ZNF536: variants seen among roughly 807,000 people sequenced by gnomAD.
The protein encoded by ZNF536 is zinc finger protein 536.
ZNF536 carries 13 observed loss-of-function variants against 84.5 expected under a neutral mutation model. The observed-to-expected ratio is 0.15, with a 90% CI of 0.10 to 0.24. The LOEUF (loss-of-function observed/expected upper bound fraction) is 0.24. Ranked by LOEUF, ZNF536 falls within the 10% of genes least tolerant of loss-of-function variation. The pLI, the probability that ZNF536 is intolerant of heterozygous loss-of-function variation, is 1.00. For missense variants in ZNF536, 1,536 were observed against 1,747.5 expected (o/e 0.88, Z 2.16); for synonymous variants, 811 against 742.5 (o/e 1.09, Z -1.50).
chr19:30,619,530 G>A (rs1285405404), intron 1 of ZNF536, among the ~76,000 whole-genome samples: 1 of 152,160 alleles, frequency 6.6e-6, no homozygotes, highest in Non-Finnish European at 1.5e-5. Flanking sequence ...AAGGGAGAGA[G>A]CAATGAGGGA....
chr19:30,369,213 G>T (rs1008684732), upstream of ZNF536, among the ~76,000 whole-genome samples: 1 of 152,154 alleles, frequency 6.6e-6, no homozygotes, highest in African/African-American at 2.4e-5. Context: ...AGTTTTATCA[G>T]TTTCAGCTTC....
intron 1 of ZNF536, among the ~76,000 whole-genome samples, chr19:30,442,809 G>C (rs1369926074): frequency 6.6e-6 from 1 of 152,168 alleles, no homozygotes; most frequent in Non-Finnish European, 1.5e-5. Flanking sequence ...CCTCGTTAAT[G>C]CTTCCTTGCA....
intron 2 of ZNF536, among the ~76,000 whole-genome samples, chr19:30,459,933 A>T (rs781681837): frequency 6.6e-6 from 1 of 152,136 alleles, no homozygotes; most frequent in African/African-American, 2.4e-5. Flanking sequence ...TTTAACTACA[A>T]TTATAACCAC....
At chr19:30,691,453 A>C (rs2051405849) in intron 1 of ZNF536, among the ~76,000 whole-genome samples, 1 of 151,662 alleles carries the variant, frequency 6.6e-6, no homozygotes, top group African/African-American at 2.4e-5. Flanking sequence ...AGGGGGTGGG[A>C]ATACCAAAAG....
chr19:30,442,533 C>G (rs140055837), intron 1 of ZNF536, among the ~76,000 whole-genome samples: 1,734 of 152,260 alleles, frequency 0.011, 12 homozygotes, highest in Non-Finnish European at 0.016. Context: ...TAAAAGACCT[C>G]TTTAAACCCA....
At chr19:30,515,357 G>A (rs55771789) in intron 2 of ZNF536, among the ~76,000 whole-genome samples, 8,726 of 152,288 alleles carry the variant, frequency 0.057, 468 homozygotes, top group East Asian at 0.23. Context: ...GAATGTGCTC[G>A]ATTAATGTTA....
intron 1 of ZNF536, among the ~76,000 whole-genome samples, chr19:30,416,764 C>T (rs1344278649): frequency 6.6e-6 from 1 of 152,174 alleles, no homozygotes; most frequent in African/African-American, 2.4e-5. Context: ...CCTGTCCTCA[C>T]TCTAGAACAT....
intron 1 of ZNF536, among the ~76,000 whole-genome samples, chr19:30,271,375 C>G (rs2025845141): frequency 8.6e-6 from 1 of 116,506 alleles, no homozygotes. Context: ...ACTATTTCTT[C>G]TTGTTGCTAT....
rs550759623 is a variant in ZNF536, at chr19:30,480,575, C to T, written c.2170+34843C>T. On this transcript the variant is annotated intron_variant, in intron 2 of 4. Transcript: ENST00000355537. ...GGGTAGGGGGCAAGGGGAGGGAGAG[C>T]GTTAGGACAAATACCTAATGCATGC... Among the ~76,000 whole-genome samples the T allele has an allele frequency of 1.8e-4, 27 of 152,100 alleles. No homozygotes were observed. In the South Asian group the frequency reaches 5.2e-3, roughly 29 times the overall value.
intron 1 of ZNF536, among the ~76,000 whole-genome samples, chr19:30,615,072 G>A (rs865834971): frequency 5.0e-5 from 7 of 140,762 alleles, no homozygotes; most frequent in East Asian, 2.1e-4. Flanking sequence ...TCAGCCTCCC[G>A]TGTAGCTGGG....
chr19:30,555,762 T>G (rs2045943634), intron 4 of ZNF536: 1 of 152,208 alleles, frequency 6.6e-6, no homozygotes, highest in Non-Finnish European at 1.5e-5. Context: ...CATTGGTACA[T>G]TTTTCATCTT....
intron 1 of ZNF536, among the ~76,000 whole-genome samples, chr19:30,638,924 A>T (rs1419997908): frequency 6.6e-6 from 1 of 152,216 alleles, no homozygotes; most frequent in Admixed American, 6.5e-5. Context: ...TCTTAGTCTC[A>T]CAATTTCCAG....
intron 1 of ZNF536, among the ~76,000 whole-genome samples, chr19:30,576,598 A>T (rs1341622765): frequency 3.3e-5 from 5 of 152,178 alleles, no homozygotes; most frequent in Non-Finnish European, 7.3e-5. Flanking sequence ...TGTGGGCTGG[A>T]CAGCCAGGTT....
chr19:30,494,289 G>A (rs2054626142), intron 2 of ZNF536, among the ~76,000 whole-genome samples: 1 of 152,182 alleles, frequency 6.6e-6, no homozygotes, highest in Admixed American at 6.5e-5. Flanking sequence ...GCTAAGGTCA[G>A]TGTCCCGACA....
intron 1 of ZNF536, among the ~76,000 whole-genome samples, chr19:30,625,942 G>T (rs2048659890): frequency 6.6e-6 from 1 of 152,166 alleles, no homozygotes. Context: ...TTGAAACGGT[G>T]GCAGTGGCTA....
chr19:30,251,038 CAA>C (rs2024578305), intron 1 of ZNF536, among the ~76,000 whole-genome samples: 1 of 151,976 alleles, frequency 6.6e-6, no homozygotes, highest in Non-Finnish European at 1.5e-5. Flanking sequence ...ACCCGGTCTA[CAA>C]AGAACATGTG....
chr19:30,408,726 T>C (rs2050363840), intron 1 of ZNF536, among the ~76,000 whole-genome samples: 1 of 151,414 alleles, frequency 6.6e-6, no homozygotes, highest in Non-Finnish European at 1.5e-5. Context: ...CCATCAGCCA[T>C]CATTGATCCA....
At chr19:30,395,154 A>G (rs546687086) in intron 1 of ZNF536, among the ~76,000 whole-genome samples, 3 of 152,288 alleles carry the variant, frequency 2.0e-5, no homozygotes, top group African/African-American at 7.2e-5. Flanking sequence ...ATTGCTACCA[A>G]TTTTCATCTT....
chr19:30,629,201 T>A (rs1485653782), intron 1 of ZNF536, among the ~76,000 whole-genome samples: 1 of 151,956 alleles, frequency 6.6e-6, no homozygotes, highest in Non-Finnish European at 1.5e-5. Flanking sequence ...TTTTATTTAT[T>A]TAATTTTGTT....
Sources: gnomAD v4.1 joint callset for allele counts (sites outside exome capture counted in the v4.1 genomes callset) on GRCh38, gnomAD v4.1.1 for gene constraint, MANE v1.5 for transcripts, NCBI Gene and HGNC (gene_info 2026-07-23, HGNC 2026-07-21) for gene names.